Variants in CHRM3 observed in about 807,000 individuals in gnomAD.
The protein encoded by CHRM3 is muscarinic acetylcholine receptor M3.
A neutral mutation model predicts 41.8 loss-of-function variants in CHRM3; 11 were observed. The ratio of observed to expected loss-of-function variants is 0.26; its 90% CI spans 0.17 to 0.44. The LOEUF (loss-of-function observed/expected upper bound fraction) is 0.44. Among genes scored for constraint, CHRM3 ranks in the 20% least tolerant of loss-of-function variants. The pLI is 1.00. For synonymous variants in CHRM3, 297 were observed against 301.4 expected (o/e 0.99, Z 0.15); for missense variants, 571 against 745.4 (o/e 0.77, Z 2.72).
At chr1:239,673,921 CA>C (rs1268898186) in intron 4 of CHRM3, among the ~76,000 whole-genome samples, 1 of 152,086 alleles carries the variant, frequency 6.6e-6, no homozygotes, top group African/African-American at 2.4e-5. Context: ...AAATCTAAAA[CA>C]CTCCAAAATC....
At chr1:239,841,851 G>A (rs1483665030) in intron 6 of CHRM3, among the ~76,000 whole-genome samples, 1 of 152,192 alleles carries the variant, frequency 6.6e-6, no homozygotes, top group Non-Finnish European at 1.5e-5. Context: ...GAACTAAACA[G>A]GGTAGAATGA....
chr1:239,765,818 C>CT (rs1340202928), intron 5 of CHRM3, among the ~76,000 whole-genome samples: 5,249 of 140,280 alleles, frequency 0.037, 339 homozygotes, highest in African/African-American at 0.12. Flanking sequence ...TCTTTTTTAT[C>CT]TTTTTTTTTT....
chr1:239,849,267 T>C (rs1208215043), intron 6 of CHRM3, among the ~76,000 whole-genome samples: 1 of 152,220 alleles, frequency 6.6e-6, no homozygotes, highest in Admixed American at 6.5e-5. Flanking sequence ...TGATTTTGCA[T>C]ATTTACTTCA....
intron 5 of CHRM3, among the ~76,000 whole-genome samples, chr1:239,771,654 T>C (rs552051412): frequency 6.6e-6 from 1 of 152,318 alleles, no homozygotes. Context: ...GCAGATAGTA[T>C]TATAATATAT....
At chr1:239,587,924 A>G (rs1663592460) in intron 3 of CHRM3, among the ~76,000 whole-genome samples, 1 of 152,238 alleles carries the variant, frequency 6.6e-6, no homozygotes, top group South Asian at 2.1e-4. Flanking sequence ...TTAGACCAGT[A>G]AACAAACTTA....
intron 3 of CHRM3, among the ~76,000 whole-genome samples, chr1:239,580,929 C>T (rs1662841773): frequency 6.6e-6 from 1 of 151,806 alleles, no homozygotes; most frequent in African/African-American, 2.4e-5. Flanking sequence ...TCTTGGGTGT[C>T]TGACTACCCA....
chr1:239,904,176 G>T (rs934257354), intron 6 of CHRM3, among the ~76,000 whole-genome samples: 6 of 152,214 alleles, frequency 3.9e-5, no homozygotes, highest in Admixed American at 3.3e-4. Flanking sequence ...AAACGTAGCT[G>T]CTGTGTTCAG....
intron 1 of CHRM3, among the ~76,000 whole-genome samples, chr1:239,411,189 A>G (rs955987651): frequency 2.6e-5 from 4 of 152,222 alleles, no homozygotes; most frequent in Non-Finnish European, 5.9e-5. Context: ...TATGGGACAG[A>G]AACAGTGGCA....
chr1:239,493,991 C>A (rs919180990), intron 2 of CHRM3, among the ~76,000 whole-genome samples: 1 of 152,138 alleles, frequency 6.6e-6, no homozygotes, highest in Admixed American at 6.6e-5. Context: ...CAGAACAGGG[C>A]TAACTCACAG....
intron 5 of CHRM3, among the ~76,000 whole-genome samples, chr1:239,691,378 C>T (rs559445731): frequency 2.6e-5 from 4 of 151,810 alleles, no homozygotes; most frequent in African/African-American, 9.7e-5. Context: ...TTTTACCTCA[C>T]TCAACATGTT....
chr1:239,757,986 C>A (rs1315903025), intron 5 of CHRM3, among the ~76,000 whole-genome samples: 1 of 152,144 alleles, frequency 6.6e-6, no homozygotes, highest in Non-Finnish European at 1.5e-5. Context: ...GTGGTTATTT[C>A]ATATAATTAA....
intron 5 of CHRM3, among the ~76,000 whole-genome samples, chr1:239,776,636 G>A (rs559375159): frequency 9.2e-5 from 14 of 152,250 alleles, no homozygotes; most frequent in Admixed American, 7.8e-4. Context: ...GCCATGCCAA[G>A]GTACTCACCA....
chr1:239,490,226 G>C (rs1667468212), intron 1 of CHRM3, among the ~76,000 whole-genome samples: 1 of 152,162 alleles, frequency 6.6e-6, no homozygotes, highest in African/African-American at 2.4e-5. Flanking sequence ...GTTTTCATTT[G>C]TGTGACTTCA....
At chr1:239,680,476 T>C (rs1053168944) in intron 5 of CHRM3, among the ~76,000 whole-genome samples, 3 of 152,076 alleles carry the variant, frequency 2.0e-5, no homozygotes, top group African/African-American at 7.2e-5. Flanking sequence ...AGTATAGAAA[T>C]GACAGACATT....
chr1:239,468,475 T>C (rs1187798021), intron 1 of CHRM3, among the ~76,000 whole-genome samples: 1 of 152,226 alleles, frequency 6.6e-6, no homozygotes, highest in Non-Finnish European at 1.5e-5. Context: ...TTTGGCATTA[T>C]GTTTTTGGCA....
intron 1 of CHRM3, among the ~76,000 whole-genome samples, chr1:239,404,251 T>G (rs895712674): frequency 7.0e-6 from 1 of 143,806 alleles, no homozygotes. Context: ...ATCGCACCAC[T>G]GCACTCCAGC....
At chr1:239,765,506 A>T (rs1667129034) in intron 5 of CHRM3, among the ~76,000 whole-genome samples, 1 of 152,222 alleles carries the variant, frequency 6.6e-6, no homozygotes. Flanking sequence ...GTGACATTTG[A>T]CAGAAATCAA....
At chr1:239,614,324 T>C (rs1034439898) in intron 3 of CHRM3, among the ~76,000 whole-genome samples, 2 of 152,162 alleles carry the variant, frequency 1.3e-5, no homozygotes, top group Non-Finnish European at 2.9e-5. Flanking sequence ...TTCTCAAAAA[T>C]TAATCAGAGA....
chr1:239,726,312 A>G (rs2148382548), intron 5 of CHRM3, among the ~76,000 whole-genome samples: 1 of 149,200 alleles, frequency 6.7e-6, no homozygotes, highest in Non-Finnish European at 1.5e-5. Flanking sequence ...TCCTATGTGT[A>G]CCGAACTTTT....
Sources: allele counts gnomAD v4.1 joint callset (sites outside exome capture counted in the v4.1 genomes callset), GRCh38; gene constraint gnomAD v4.1.1; transcripts MANE v1.5; gene names NCBI Gene and HGNC (gene_info 2026-07-23, HGNC 2026-07-21).